Variants in KCNH6 observed in about 807,000 individuals in gnomAD.
KCNH6 encodes the protein potassium voltage-gated channel subfamily H member 6, also known as voltage-gated inwardly rectifying potassium channel KCNH6.
KCNH6 carries 81 observed loss-of-function variants against 83.4 expected under a neutral mutation model. The ratio of observed to expected loss-of-function variants is 0.97; its 90% CI spans 0.81 to 1.17. The LOEUF (loss-of-function observed/expected upper bound fraction) is 1.17, where lower values mean the gene tolerates loss of function less well. Ranked by LOEUF, KCNH6 falls within the 50% of genes most tolerant of loss-of-function variation. The probability of loss-of-function intolerance (pLI) is 0.00; values close to 1 mark genes in which losing one functional copy is unlikely to be tolerated. For synonymous variants in KCNH6, 503 were observed against 545.6 expected, an observed-to-expected ratio of 0.92 and a Z score of 1.09; for missense variants, 1,203 against 1,290.5, an observed-to-expected ratio of 0.93 and a Z score of 1.04.
chr17:63,525,306 C>T (rs2031633860), intron 2 of KCNH6, among the ~76,000 whole-genome samples: 1 of 152,208 alleles, frequency 6.6e-6, no homozygotes, highest in Non-Finnish European at 1.5e-5. Flanking sequence ...CTGCTAGAGT[C>T]CAACCTGGGA....
In KCNH6 at chr17:63,538,608, A is replaced by G; in HGVS notation, c.1900A>G (p.Ile634Val). Reference sequence around the variant, plus strand: ...CGACGTGCTCTCCACCCTCTACTTCATCTCCCGAGGCTCCATCGAGATCCT... The same window carrying G: ...CGACGTGCTCTCCACCCTCTACTTCGTCTCCCGAGGCTCCATCGAGATCCT... The part of the protein sequence containing the change: ...LGDVLSTLYF[I>V]SRGSIEILRD... The change falls in exon 8 of 13, where the codon ATC (isoleucine) becomes GTC (valine). Residue 634 changes from isoleucine to valine, a missense_variant. Coordinates refer to ENST00000314672, the MANE Select transcript of KCNH6 (RefSeq NM_001278919.2). This position sits in a 1 kb window ranked among gnomAD's most constrained non-coding sequence, Gnocchi z 4.0. The G allele has an allele frequency of 3.7e-6, 6 of 1,611,204 alleles. No homozygotes were observed. Among genetic ancestry groups the G allele is most frequent in the Non-Finnish European group, 5.1e-6 (6 of 1,178,388 alleles).
In KCNH6 at chr17:63,536,221, G is replaced by A. The variant is rs181473594; in HGVS notation, c.1501+153G>A. On this transcript the variant is annotated intron_variant, in intron 6 of 12. Transcript: ENST00000314672. ...TGTGCAGCACAATGAATTTTTGCTGGTGTGTGCACCAAGTGTATACAATAT... is the reference window on the plus strand; with the variant it reads ...TGTGCAGCACAATGAATTTTTGCTGATGTGTGCACCAAGTGTATACAATAT... 9.0e-5 allele frequency: 63 copies of A among 703,838 alleles called. 1 individual carries two copies. The highest frequency in any genetic ancestry group is 5.1e-4 in the Admixed American group (19 of 36,986). The allele number at this position is 703,838 out of a possible 1,614,324, so 43.6% of individuals were successfully genotyped here. A position where few individuals can be genotyped will look rare whatever the true frequency, so the allele number is the denominator to read the frequency against.
chr17:63,537,299 A>G (rs1487642621), intron 6 of KCNH6, among the ~76,000 whole-genome samples: 1 of 152,212 alleles, frequency 6.6e-6, no homozygotes, highest in African/African-American at 2.4e-5. Context: ...TTAGGAAAAC[A>G]AGAGTCAGCG....
chr17:63,543,581 C>A lies in KCNH6; in HGVS notation c.2154C>A (p.Ala718=), dbSNP rs183418801. 3 of 1,610,526 alleles carry A rather than the reference C, an allele frequency of 1.9e-6. No individual in the cohort carries two copies. The South Asian group carries it at 3.3e-5, about 18-fold the overall frequency. ...ACCCTCTTGCTTCCCATAAGGCAGC[C>A]GGGGGTCTCCACTCATCCCCCCGAC... is the stretch of plus-strand genomic sequence containing the variant. ...LEVTFNLRDA[A]GGLHSSPRQA... is the part of the protein sequence containing the mutation. Residue 718 remains alanine, a synonymous_variant, in exon 10 of 13, where the codon GCC becomes GCA. Transcript: ENST00000314672.
rs759498210 is a variant in KCNH6, at chr17:63,535,682, T to C, written c.1115T>C (p.Ile372Thr). ...CTACCCCTCCAGACCACAACCCTGA[T>C]TGGGCTATTGAAGACAGCGCGGCTG... is the stretch of plus-strand genomic sequence containing the variant. ...RTGSDETTTL[I>T]GLLKTARLLR... Residue 372 changes from isoleucine (I) to threonine (T), a missense_variant, in exon 6 of 13, where the codon ATT becomes ACT. Ile to Thr is a moderately conservative substitution (Grantham distance 89, BLOSUM62 -1). Coordinates refer to ENST00000314672, the MANE Select transcript of KCNH6 (RefSeq NM_001278919.2). The surrounding 1 kb of genome is among the most constrained non-coding windows in gnomAD (Gnocchi z 4.9). 27 of 1,605,276 alleles carry C rather than the reference T, an allele frequency of 1.7e-5. No individual in the cohort carries two copies. The African/African-American group carries it at 3.4e-4, about 20-fold the overall frequency.
chr17:63,532,714 A>G (rs2032202835), intron 4 of KCNH6, among the ~76,000 whole-genome samples: 1 of 152,058 alleles, frequency 6.6e-6, no homozygotes, highest in African/African-American at 2.4e-5. Flanking sequence ...GCAAGGTCAA[A>G]CCTTACATTG....
chr17:63,532,652 A>G (rs1004423545), intron 4 of KCNH6, among the ~76,000 whole-genome samples: 6 of 152,330 alleles, frequency 3.9e-5, no homozygotes, highest in African/African-American at 1.4e-4. Context: ...CCTCTGGTTG[A>G]AACTAAATGG....
intron 9 of KCNH6, among the ~76,000 whole-genome samples, chr17:63,543,310 A>G (rs559607115): frequency 6.6e-6 from 1 of 150,618 alleles, no homozygotes; most frequent in South Asian, 2.1e-4. Context: ...CGATCTGCAC[A>G]GGAGACTGAC....
chr17:63,528,522 T>A (rs1240014956), intron 2 of KCNH6, among the ~76,000 whole-genome samples: 1 of 152,096 alleles, frequency 6.6e-6, no homozygotes, highest in Non-Finnish European at 1.5e-5. Context: ...AGGAGTCTGG[T>A]GGAGAGTCAT....
At chr17:63,525,820 C>G (rs2147622653) in intron 2 of KCNH6, among the ~76,000 whole-genome samples, 1 of 152,284 alleles carries the variant, frequency 6.6e-6, no homozygotes. Context: ...TTTTTAAAAG[C>G]TGTGACCTCA....
At chr17:63,544,001 C>T (rs990326029) in intron 10 of KCNH6, 3 of 1,457,132 alleles carry the variant, frequency 2.1e-6, no homozygotes, top group African/African-American at 2.8e-5. Context: ...TAAAAGTCCT[C>T]ACCCTGCCAG....
In KCNH6 at chr17:63,535,728, A is replaced by G. The variant is rs199588870; in HGVS notation, c.1161A>G (p.Ala387=). 236 of 1,613,802 alleles carry G rather than the reference A, an allele frequency of 1.5e-4. 1 individual carries two copies. In the Admixed American group the frequency reaches 1.5e-3, roughly 10 times the overall value. Residue 387 remains alanine (A), a synonymous_variant, in exon 6 of 13, where the codon GCA becomes GCG. Transcript: ENST00000314672. This position sits in a 1 kb window ranked among gnomAD's most constrained non-coding sequence, Gnocchi z 4.9. ...GGCTGCTGCGGCTGGTGCGCGTAGCACGGAAGCTGGACCGCTACTCTGAGT... is the reference window on the plus strand; with the variant it reads ...GGCTGCTGCGGCTGGTGCGCGTAGCGCGGAAGCTGGACCGCTACTCTGAGT... The part of the protein sequence containing the change: ...TARLLRLVRV[A]RKLDRYSEYG...
intron 2 of KCNH6, among the ~76,000 whole-genome samples, chr17:63,524,932 G>A (rs4257270): frequency 0.59 from 89,193 of 151,902 alleles, 26,966 homozygotes; most frequent in Middle Eastern, 0.71. Context: ...GAACAGAAGC[G>A]TAAGTCAGGA....
intron 11 of KCNH6, 145 bp downstream of exon 11, chr17:63,544,556 TC>T: frequency 1.6e-6 from 1 of 641,624 alleles, no homozygotes; most frequent in Non-Finnish European, 2.4e-6. Flanking sequence ...TAAGCACAAT[TC>T]CCCCAATGAC....
At chr17:63,537,400 G>A (rs561438478) in intron 6 of KCNH6, among the ~76,000 whole-genome samples, 1 of 152,314 alleles carries the variant, frequency 6.6e-6, no homozygotes, top group East Asian at 1.9e-4. Context: ...GAAAATGGGT[G>A]AAAACAAGAA....
Position 63,530,086 on chromosome 17 carries a change from C to T in KCNH6, c.308-5C>T, listed in dbSNP as rs555568704. 1.4e-4 allele frequency: 233 copies of T among 1,612,626 alleles called. No homozygotes were observed. Among genetic ancestry groups the T allele is most frequent in the South Asian group, 1.3e-3 (114 of 90,990 alleles). On this transcript the variant is annotated splice_polypyrimidine_tract_variant and splice_region_variant and intron_variant, in intron 2 of 12. Coordinates refer to ENST00000314672, the MANE Select transcript of KCNH6 (RefSeq NM_001278919.2). Reference sequence around the variant, plus strand: ...CACCCCCCATCCTCCCAATGGTGTTCGCAGCCTCCAGCTTCCGCTGCCTGG... The same window carrying T: ...CACCCCCCATCCTCCCAATGGTGTTTGCAGCCTCCAGCTTCCGCTGCCTGG...
In KCNH6 at chr17:63,545,680, G is replaced by C. The variant is rs201176866; in HGVS notation, c.2655G>C (p.Leu885=). Residue 885 remains leucine (L), a synonymous_variant, in exon 13 of 13, where the codon CTG becomes CTC. Transcript: ENST00000314672. ...HRNSSPRMPH[L]AVATDKTLAP... is the part of the protein sequence containing the mutation. ...ACTCCTCCCCCAGGATGCCTCACCT[G>C]GCTGTGGCAACGGACAAAACTCTGG... 2 of 1,613,966 alleles carry C rather than the reference G, an allele frequency of 1.2e-6. No individual in the cohort carries two copies. The highest frequency in any genetic ancestry group is 4.5e-5 in the East Asian group (2 of 44,886).
rs367858262 is a variant in KCNH6 at position 63,535,833 on chromosome 17, C to T, written c.1266C>T (p.Ile422=). ...AHWLACIWYA[I]GNVERPYLEH... ...GGCTGGCCTGCATCTGGTACGCCAT[C>T]GGCAATGTGGAGCGGCCCTACCTAG... is the stretch of plus-strand genomic sequence containing the variant. The change falls in exon 6 of 13, where the codon ATC becomes ATT. Residue 422 remains isoleucine, a synonymous_variant. Transcript: ENST00000314672. The surrounding 1 kb of genome is among the most constrained non-coding windows in gnomAD (Gnocchi z 4.9). 23 of 1,614,202 alleles carry T rather than the reference C, an allele frequency of 1.4e-5. No homozygotes were observed. Among genetic ancestry groups the T allele is most frequent in the African/African-American group, 9.3e-5 (7 of 75,074 alleles).
intron 10 of KCNH6, chr17:63,543,925 G>C: frequency 1.4e-6 from 1 of 739,510 alleles, no homozygotes; most frequent in Non-Finnish European, 2.2e-6. Flanking sequence ...CCAGCCCCCT[G>C]AGGTTCCACA....
Sources: allele counts gnomAD v4.1 joint callset (sites outside exome capture counted in the v4.1 genomes callset), GRCh38; gene constraint gnomAD v4.1.1; non-coding constraint Gnocchi (gnomAD v3.1); transcripts MANE v1.5; gene names NCBI Gene and HGNC (gene_info 2026-07-23, HGNC 2026-07-21).